CTNND2: variants seen among roughly 807,000 people sequenced by gnomAD.
The protein encoded by CTNND2 is catenin delta 2, also known as catenin delta-2.
In CTNND2, 22 loss-of-function variants were observed where a neutral mutation model predicts 144.4. The ratio of observed to expected loss-of-function variants is 0.15; its 90% CI spans 0.11 to 0.22. CTNND2 has a LOEUF of 0.22. CTNND2 is among the 10% of genes least tolerant of loss of function. The pLI is 1.00. For synonymous variants in CTNND2, 751 were observed against 695.6 expected (o/e 1.08, Z -1.25); for missense variants, 1,353 against 1,618.8 (o/e 0.84, Z 2.82).
intron 12 of CTNND2, among the ~76,000 whole-genome samples, chr5:11,148,377 T>G (rs1028934090): frequency 6.6e-6 from 1 of 152,182 alleles, no homozygotes; most frequent in Non-Finnish European, 1.5e-5. Flanking sequence ...GGGGAGGAAA[T>G]GCCTGGGAGG....
At chr5:11,423,260 C>A (rs985406630) in intron 3 of CTNND2, among the ~76,000 whole-genome samples, 1 of 152,190 alleles carries the variant, frequency 6.6e-6, no homozygotes, top group African/African-American at 2.4e-5. Flanking sequence ...CACAATGATA[C>A]TTCTGTTTTG....
At chr5:11,523,699 C>T (rs1772960155) in intron 3 of CTNND2, among the ~76,000 whole-genome samples, 1 of 152,208 alleles carries the variant, frequency 6.6e-6, no homozygotes, top group Admixed American at 6.5e-5. Context: ...AACTAATGCA[C>T]CGGGGACTTC....
intron 11 of CTNND2, among the ~76,000 whole-genome samples, chr5:11,175,262 A>C (rs1760364405): frequency 6.6e-6 from 1 of 152,190 alleles, no homozygotes; most frequent in South Asian, 2.1e-4. Context: ...CAAGTTTTCT[A>C]GATGAACATA....
chr5:11,892,063 ACAT>A (rs1247041086), intron 1 of CTNND2, among the ~76,000 whole-genome samples: 30 of 152,222 alleles, frequency 2.0e-4, no homozygotes, highest in African/African-American at 7.2e-4. Context: ...AATTCTTCTG[ACAT>A]CATAATATTC....
At chr5:11,097,608 G>T (rs908564338) in intron 15 of CTNND2, among the ~76,000 whole-genome samples, 48 of 152,190 alleles carry the variant, frequency 3.2e-4, no homozygotes, top group African/African-American at 1.1e-3. Context: ...CAAGAAGGCA[G>T]ACATCCAAAG....
At chr5:11,303,875 G>A (rs1749866896) in intron 9 of CTNND2, among the ~76,000 whole-genome samples, 2 of 152,140 alleles carry the variant, frequency 1.3e-5, no homozygotes, top group South Asian at 2.1e-4. Flanking sequence ...GTTGTGGGAG[G>A]GACCTGGTGG....
In CTNND2 at chr5:11,514,389, T is replaced by C. The variant is rs538300506; in HGVS notation, c.287+50555A>G. On this transcript the variant is annotated intron_variant, in intron 3 of 21. Coordinates refer to ENST00000304623, the MANE Select transcript of CTNND2 (RefSeq NM_001332.4). Reference sequence around the variant, plus strand: ...TATTTGCCATATTCTGGAAAGAAGCTAGTTATGTTCTTTTCCTGACAGCTG... The same window carrying C: ...TATTTGCCATATTCTGGAAAGAAGCCAGTTATGTTCTTTTCCTGACAGCTG... Among the ~76,000 whole-genome samples, 3 of 152,324 alleles carry C rather than the reference T, an allele frequency of 2.0e-5. No individual in the cohort carries two copies. The South Asian group carries it at 6.2e-4, about 32-fold the overall frequency.
intron 3 of CTNND2, among the ~76,000 whole-genome samples, chr5:11,446,968 TC>T (rs1193170185): frequency 6.6e-6 from 1 of 151,710 alleles, no homozygotes; most frequent in Non-Finnish European, 1.5e-5. Context: ...TTCTTCCCTA[TC>T]CCCCCACCTC....
chr5:11,017,563 CATAT>C (rs56181554), intron 18 of CTNND2, among the ~76,000 whole-genome samples: 3 of 142,810 alleles, frequency 2.1e-5, no homozygotes, highest in Non-Finnish European at 4.5e-5. Context: ...GATATATATA[CATAT>C]ATATATATAT....
chr5:11,710,485 A>C (rs1032196190), intron 2 of CTNND2, among the ~76,000 whole-genome samples: 2 of 150,634 alleles, frequency 1.3e-5, no homozygotes, highest in Non-Finnish European at 2.9e-5. Context: ...GGTTGCAGTG[A>C]GCTGAGATCA....
At chr5:11,744,686 TGTGTGTGTGCG>T (rs1264032985) in intron 1 of CTNND2, among the ~76,000 whole-genome samples, 418 of 5,586 alleles carry the variant, frequency 0.075, 8 homozygotes, top group Admixed American at 0.17. Flanking sequence ...TGTGTGTGTT[TGTGTGTGTGCG>T]TGTGTGTGTG....
chr5:11,110,297 G>A (rs2149683724), intron 14 of CTNND2, among the ~76,000 whole-genome samples: 1 of 152,294 alleles, frequency 6.6e-6, no homozygotes, highest in South Asian at 2.1e-4. Flanking sequence ...GCTCAACATT[G>A]TTCTGAATTC....
chr5:11,366,929 T>C (rs976669202), intron 7 of CTNND2, among the ~76,000 whole-genome samples: 2 of 152,204 alleles, frequency 1.3e-5, no homozygotes, highest in East Asian at 1.9e-4. Flanking sequence ...ATTAATCAAA[T>C]TGATGACCAA....
chr5:11,062,012 T>G (rs1747043659), intron 16 of CTNND2, among the ~76,000 whole-genome samples: 1 of 152,134 alleles, frequency 6.6e-6, no homozygotes, highest in Non-Finnish European at 1.5e-5. Flanking sequence ...CAGGGCCTGT[T>G]TGCTTATTTT....
intron 9 of CTNND2, among the ~76,000 whole-genome samples, chr5:11,313,420 A>G (rs1225885662): frequency 6.6e-6 from 1 of 152,130 alleles, no homozygotes; most frequent in African/African-American, 2.4e-5. Context: ...CAAGTCCCCG[A>G]CACTCTGGGC....
chr5:11,702,498 G>C (rs1025145200), intron 2 of CTNND2, among the ~76,000 whole-genome samples: 1 of 152,044 alleles, frequency 6.6e-6, no homozygotes, highest in African/African-American at 2.4e-5. Flanking sequence ...TATTCCCCTT[G>C]ATCAGCTCTG....
rs112079011 is a variant in CTNND2 at position 11,674,284 on chromosome 5, G to A, written c.174+57852C>T. ...TATATGAGATAAAAATATATGCCAC[G>A]TTCCATTATGGACTTTCTAAGCTAT... is the stretch of plus-strand genomic sequence containing the variant. On this transcript the variant is annotated intron_variant, in intron 2 of 21. Transcript: ENST00000304623. 5.5e-4 allele frequency among the ~76,000 whole-genome samples: 83 copies of A among 152,202 alleles called. 1 individual carries two copies. The highest frequency in any genetic ancestry group is 1.8e-3 in the African/African-American group (74 of 41,528).
chr5:11,102,258 A>G (rs1468306), intron 14 of CTNND2, among the ~76,000 whole-genome samples: 49,933 of 152,136 alleles, frequency 0.33, 8,333 homozygotes, highest in African/African-American at 0.36. Flanking sequence ...TGTGCAAGTC[A>G]TTCACATGCT....
chr5:11,773,180 A>G (rs1790046231), intron 1 of CTNND2, among the ~76,000 whole-genome samples: 2 of 152,212 alleles, frequency 1.3e-5, no homozygotes, highest in South Asian at 4.1e-4. Context: ...GATGGGAAAC[A>G]ATGCATCAAC....
Sources: allele counts gnomAD v4.1 joint callset (sites outside exome capture counted in the v4.1 genomes callset), GRCh38; gene constraint gnomAD v4.1.1; transcripts MANE v1.5; gene names NCBI Gene and HGNC (gene_info 2026-07-23, HGNC 2026-07-21).